ZFYVE28: variants seen among roughly 807,000 people sequenced by gnomAD.
ZFYVE28 encodes lateral signaling target protein 2 homolog.
In ZFYVE28, 40 loss-of-function variants were observed where a neutral mutation model predicts 82.1. That is an observed-to-expected ratio of 0.49 (90% CI 0.38 to 0.63). The LOEUF (loss-of-function observed/expected upper bound fraction) is 0.63, where lower values mean the gene tolerates loss of function less well. Ranked by LOEUF, ZFYVE28 falls within the 30% of genes least tolerant of loss-of-function variation. The pLI is 0.00. For synonymous variants in ZFYVE28, 612 were observed against 546.1 expected (o/e 1.12, Z -1.68); for missense variants, 1,321 against 1,242.1 (o/e 1.06, Z -0.96).
At chr4:2,411,811 C>T (rs1220679170) in intron 1 of ZFYVE28, among the ~76,000 whole-genome samples, 3 of 152,238 alleles carry the variant, frequency 2.0e-5, no homozygotes, top group Non-Finnish European at 4.4e-5. Flanking sequence ...AGCACAAGTG[C>T]ACCCCAGCCC....
intron 1 of ZFYVE28, among the ~76,000 whole-genome samples, chr4:2,389,224 C>T (rs1578350394): frequency 6.6e-6 from 1 of 152,260 alleles, no homozygotes; most frequent in African/African-American, 2.4e-5. Context: ...CAGCCAGGTC[C>T]TGCCCACACA....
rs534518616 is a variant in ZFYVE28 at position 2,269,999 on chromosome 4, C to G, written c.*726G>C. ...GTCCTGGCTGATTGGTAAACCCGAC[C>G]CAAGGCCCCGAGCAACCTCTGCCTG... On this transcript the variant is annotated 3_prime_UTR_variant, in exon 13 of 13. Coordinates refer to ENST00000290974, the MANE Select transcript of ZFYVE28 (RefSeq NM_020972.3). 1 of 152,376 alleles carries G rather than the reference C, an allele frequency of 6.6e-6. No homozygotes were observed. The highest frequency in any genetic ancestry group is 6.5e-5 in the Admixed American group (1 of 15,294). 9.4% of individuals were successfully genotyped at this position (152,376 alleles called of 1,614,324 possible). A position where few individuals can be genotyped will look rare whatever the true frequency, so the allele number is the denominator to read the frequency against.
chr4:2,312,371 A>G (rs913597563), intron 7 of ZFYVE28, among the ~76,000 whole-genome samples: 5 of 151,840 alleles, frequency 3.3e-5, no homozygotes, highest in Admixed American at 3.3e-4. Flanking sequence ...GATCCCATCT[A>G]TATTACAAAA....
intron 8 of ZFYVE28, among the ~76,000 whole-genome samples, chr4:2,279,572 G>C (rs989452509): frequency 2.0e-5 from 3 of 152,192 alleles, no homozygotes; most frequent in Non-Finnish European, 4.4e-5. Flanking sequence ...GAGGTCAGGA[G>C]ATCGAGACCA....
intron 8 of ZFYVE28, among the ~76,000 whole-genome samples, chr4:2,297,076 A>T (rs932188877): frequency 6.6e-6 from 1 of 152,234 alleles, no homozygotes; most frequent in Admixed American, 6.5e-5. Flanking sequence ...CTGGTGGGAA[A>T]GCCGAATGGT....
chr4:2,326,879 T>G (rs950875869), intron 6 of ZFYVE28, among the ~76,000 whole-genome samples: 1 of 152,210 alleles, frequency 6.6e-6, no homozygotes, highest in Non-Finnish European at 1.5e-5. Flanking sequence ...GTCTTGATTT[T>G]GTGTCCTGGA....
At position 2,270,625 on chromosome 4, in the gene ZFYVE28, G is replaced by T; in HGVS notation, c.*100C>A. The T allele has an allele frequency of 6.5e-7, 1 of 1,530,222 alleles. No individual in the cohort carries two copies. 94.8% of individuals were successfully genotyped at this position (1,530,222 alleles called of 1,614,324 possible). On this transcript the variant is annotated 3_prime_UTR_variant, in exon 13 of 13. Transcript: ENST00000290974. Reference sequence around the variant, plus strand: ...AGGTCTGGGTGCCCCTGCAGCAGCGGCAGCGGCCTCATGAGACGCAGTGAG... The same window carrying T: ...AGGTCTGGGTGCCCCTGCAGCAGCGTCAGCGGCCTCATGAGACGCAGTGAG...
At chr4:2,279,078 A>C (rs987265588) in intron 8 of ZFYVE28, among the ~76,000 whole-genome samples, 3 of 152,212 alleles carry the variant, frequency 2.0e-5, no homozygotes, top group African/African-American at 2.4e-5. Context: ...GATAGACAAA[A>C]TGTCTATCTA....
rs991394513 is a variant in ZFYVE28 at position 2,372,386 on chromosome 4, G to A, written c.40-18313C>T. Among the ~76,000 whole-genome samples, 1 of 151,982 alleles carries A rather than the reference G, an allele frequency of 6.6e-6. No individual in the cohort carries two copies. Among genetic ancestry groups the A allele is most frequent in the African/African-American group, 2.4e-5 (1 of 41,350 alleles). ...GCCGCCTCCTGCCACCACCGCTCCC[G>A]CCATCCTCCTTCTAGTCCTCAGCAT... is the stretch of plus-strand genomic sequence containing the variant. On this transcript the variant is annotated intron_variant, in intron 1 of 12. Coordinates refer to ENST00000290974, the MANE Select transcript of ZFYVE28 (RefSeq NM_020972.3). The surrounding 1 kb of genome is among the most constrained non-coding windows in gnomAD (Gnocchi z 5.2).
At chr4:2,314,699 C>A (rs1468434058) in intron 7 of ZFYVE28, among the ~76,000 whole-genome samples, 1 of 152,128 alleles carries the variant, frequency 6.6e-6, no homozygotes. Context: ...GTACTATGTA[C>A]AATTTAAACT....
At chr4:2,376,018 C>T (rs565220386) in intron 1 of ZFYVE28, among the ~76,000 whole-genome samples, 12 of 151,832 alleles carry the variant, frequency 7.9e-5, no homozygotes, top group East Asian at 7.8e-4. Context: ...TGATTACAGG[C>T]GCCTGCCACC....
At chr4:2,322,199 G>C (rs1455820115) in intron 6 of ZFYVE28, among the ~76,000 whole-genome samples, 2 of 152,234 alleles carry the variant, frequency 1.3e-5, no homozygotes, top group African/African-American at 4.8e-5. Context: ...ACGGGGTGTG[G>C]GGGCCAGAGG....
At chr4:2,398,090 A>G (rs1042238846) in intron 1 of ZFYVE28, among the ~76,000 whole-genome samples, 1 of 152,176 alleles carries the variant, frequency 6.6e-6, no homozygotes, top group Admixed American at 6.5e-5. Context: ...AGCTGTCCCA[A>G]CAAGTGCAGC....
intron 8 of ZFYVE28, among the ~76,000 whole-genome samples, chr4:2,289,874 G>A (rs988123940): frequency 3.3e-5 from 5 of 151,900 alleles, no homozygotes; most frequent in Middle Eastern, 3.2e-3. Flanking sequence ...AGAACTCGGC[G>A]AACCTGAGTT....
intron 2 of ZFYVE28, among the ~76,000 whole-genome samples, chr4:2,352,808 G>A (rs547016399): frequency 6.6e-6 from 1 of 152,158 alleles, no homozygotes. Context: ...AAAGCACACA[G>A]GTCACAGAGC....
At chr4:2,274,259 T>C (rs1035808596) in intron 8 of ZFYVE28, 43 bp from the exon 9 acceptor site, 2 of 1,593,440 alleles carry the variant, frequency 1.3e-6, no homozygotes, top group Admixed American at 1.7e-5. Flanking sequence ...TGGGGCATGA[T>C]AAGGGGCCGT....
In ZFYVE28 at chr4:2,339,606, G is replaced by A; in HGVS notation, c.368C>T (p.Ala123Val). Residue 123 changes from alanine (A) to valine (V), a missense_variant, in exon 4 of 13, where the codon GCC (alanine) becomes GTC (valine). By Grantham distance (64) the Ala-to-Val change is moderately conservative. Coordinates refer to ENST00000290974, the MANE Select transcript of ZFYVE28 (RefSeq NM_020972.3). This position sits in a 1 kb window ranked among gnomAD's most constrained non-coding sequence, Gnocchi z 5.0. Reference sequence around the variant, plus strand: ...CAGCTCCTTGGCCAGCGGGCGCATGGCCATGCTCTCCAGCTCCCGGTTCAT... The same window carrying A: ...CAGCTCCTTGGCCAGCGGGCGCATGACCATGCTCTCCAGCTCCCGGTTCAT... ...IIMNRELESM[A>V]MRPLAKELTR... is the part of the protein sequence containing the mutation. 1.2e-6 allele frequency: 2 copies of A among 1,611,098 alleles called. No homozygotes were observed. The highest frequency in any genetic ancestry group is 1.7e-6 in the Non-Finnish European group (2 of 1,179,038).
intron 3 of ZFYVE28, among the ~76,000 whole-genome samples, chr4:2,340,087 T>A (rs935174211): frequency 1.3e-5 from 2 of 152,058 alleles, no homozygotes; most frequent in African/African-American, 4.8e-5. Context: ...GGCTCCACAA[T>A]CAGGTCTGTG....
chr4:2,373,893 G>A (rs578229380), intron 1 of ZFYVE28, among the ~76,000 whole-genome samples: 2 of 152,200 alleles, frequency 1.3e-5, no homozygotes, highest in Non-Finnish European at 2.9e-5. Flanking sequence ...TCCTGCCCAG[G>A]CCCTCCCTGT....
Sources: gnomAD v4.1 joint callset for allele counts (sites outside exome capture counted in the v4.1 genomes callset) on GRCh38, gnomAD v4.1.1 for gene constraint, Gnocchi (gnomAD v3.1) non-coding constraint, MANE v1.5 for transcripts, NCBI Gene and HGNC (gene_info 2026-07-23, HGNC 2026-07-21) for gene names.